The following POTEJ variants were observed in gnomAD, a reference collection of about 807,000 sequenced individuals.
POTEJ encodes POTE ankyrin domain family member J, also known as POTE ankyrin domain family, member J.
A neutral mutation model predicts 69.0 loss-of-function variants in POTEJ; 11 were observed. That is an observed-to-expected ratio of 0.16 (90% CI 0.10 to 0.26). The LOEUF is 0.26. Ranked by LOEUF, POTEJ falls within the 10% of genes least tolerant of loss-of-function variation. The pLI is 1.00. For missense variants in POTEJ, 327 were observed against 1,045.5 expected (o/e 0.31, Z 9.48); for synonymous variants, 117 against 381.1 (o/e 0.31, Z 8.07).
intron 9 of POTEJ, among the ~76,000 whole-genome samples, chr2:130,638,265 G>C (rs1183477509): frequency 2.6e-5 from 4 of 151,540 alleles, no homozygotes; most frequent in Non-Finnish European, 5.9e-5. Context: ...TCCTCACTTT[G>C]TAGAAGAAGA....
chr2:130,639,219 G>T (rs1394549476), intron 10 of POTEJ, among the ~76,000 whole-genome samples: 1 of 152,308 alleles, frequency 6.6e-6, no homozygotes, highest in Non-Finnish European at 1.5e-5. Context: ...ACTGGTACCA[G>T]TCTGTGGCCT....
rs1229224448 is a variant in POTEJ, at chr2:130,613,257, C to CATATATACATATATATACATATGT, written c.410+1380_410+1403dup. Among the ~76,000 whole-genome samples, 795 of 99,080 alleles carry CATATATACATATATATACATATGT rather than the reference C, an allele frequency of 8.0e-3. 19 individuals carry two copies. The highest frequency in any genetic ancestry group is 0.012 in the Non-Finnish European group (604 of 51,622). The allele number at this position is 99,080 out of a possible 152,430, so 65.0% of individuals were successfully genotyped here. On this transcript the variant is annotated intron_variant, in intron 1 of 14. Coordinates refer to ENST00000409602, the MANE Select transcript of POTEJ (RefSeq NM_001277083.2). ...ATACATATATATACATATATATACACATATATACATATATATACATATGTA... is the reference window on the plus strand; with the variant it reads ...ATACATATATATACATATATATACACATATATACATATATATACATATGTATATATACATATATATACATATGTA...
intron 6 of POTEJ, among the ~76,000 whole-genome samples, chr2:130,629,587 A>C (rs1279415516): frequency 6.6e-6 from 1 of 150,564 alleles, no homozygotes; most frequent in African/African-American, 2.5e-5. Flanking sequence ...AGCTAAGTGC[A>C]GGAAAACTTG....
At position 130,656,918 on chromosome 2, in the gene POTEJ, G is replaced by T; in HGVS notation, c.2158G>T (p.Glu720Ter). 2 of 1,604,574 alleles carry T rather than the reference G, an allele frequency of 1.2e-6. 1 individual carries two copies. The highest frequency in any genetic ancestry group is 2.8e-5 in the African/African-American group (2 of 70,606). Residue 720 changes from glutamate (E) to a stop codon, truncating the protein, a stop_gained, in exon 15 of 15, where the codon GAG becomes TAG. Coordinates refer to ENST00000409602, the MANE Select transcript of POTEJ (RefSeq NM_001277083.2). LOFTEE classifies it high-confidence loss of function. The stretch of plus-strand genomic sequence containing the variant: ...TCAGAAAGAGTCCTATGTGGGCAAG[G>T]AGGCCCAGAGCAAGAGAGGCATCCT... ...MHQKESYVGK[E>*]AQSKRGILTL...
chr2:130,615,651 G>C (rs71422876), intron 1 of POTEJ, among the ~76,000 whole-genome samples: 1 of 111,340 alleles, frequency 9.0e-6, no homozygotes, highest in East Asian at 2.3e-4. Context: ...TAGAACGAAC[G>C]GGTACTGGGC....
At chr2:130,638,092 C>G (rs1260286371) in intron 9 of POTEJ, among the ~76,000 whole-genome samples, 16 of 149,206 alleles carry the variant, frequency 1.1e-4, no homozygotes, top group Non-Finnish European at 7.5e-5. Context: ...ATATTAGAAC[C>G]TATGAACAAA....
At chr2:130,631,796 A>G (rs972645627) in intron 8 of POTEJ, among the ~76,000 whole-genome samples, 1 of 142,612 alleles carries the variant, frequency 7.0e-6, no homozygotes, top group African/African-American at 2.8e-5. Flanking sequence ...TATTCTGTGT[A>G]TCTTCCAGCT....
At chr2:130,631,084 A>G (rs1250032600) in intron 7 of POTEJ, among the ~76,000 whole-genome samples, 1 of 143,596 alleles carries the variant, frequency 7.0e-6, no homozygotes, top group East Asian at 1.9e-4. Flanking sequence ...GATTTAACAC[A>G]TAACAAGTTT....
At chr2:130,637,879 T>C (rs1266907600) in intron 9 of POTEJ, among the ~76,000 whole-genome samples, 1 of 147,890 alleles carries the variant, frequency 6.8e-6, no homozygotes, top group African/African-American at 2.6e-5. Context: ...TTAACATCCA[T>C]TGGTTTTTCT....
At position 130,657,703 on chromosome 2, in the gene POTEJ, T is replaced by C. The variant is rs1574003533; in HGVS notation, c.2943T>C (p.Ala981=). 1 of 1,426,148 alleles carries C rather than the reference T, an allele frequency of 7.0e-7. No individual in the cohort carries two copies. Among genetic ancestry groups the C allele is most frequent in the East Asian group, 2.3e-5 (1 of 43,516 alleles). 88.3% of individuals were successfully genotyped at this position (1,426,148 alleles called of 1,614,324 possible). A position where few individuals can be genotyped will look rare whatever the true frequency, so the allele number is the denominator to read the frequency against. Residue 981 remains alanine (A), a synonymous_variant, in exon 15 of 15, where the codon GCT becomes GCC. Transcript: ENST00000409602. ...CCCACAGAATGCAGAAGGAGATCGC[T>C]GCCCTGGCGCCTAGCATGATGAAGA... is the stretch of plus-strand genomic sequence containing the variant. ...GMAHRMQKEI[A]ALAPSMMKIR...
At position 130,611,712 on chromosome 2, in the gene POTEJ, G is replaced by C; in HGVS notation, c.180G>C (p.Lys60Asn). 1 of 1,560,884 alleles carries C rather than the reference G, an allele frequency of 6.4e-7. No homozygotes were observed. The highest frequency in any genetic ancestry group is 8.7e-7 in the Non-Finnish European group (1 of 1,147,616). Reference protein sequence around the residue: ...DDSTMKTLRSKMGKWCCHCFP... With the variant: ...DDSTMKTLRSNMGKWCCHCFP... ...CCACTATGAAGACACTCAGGAGCAA[G>C]ATGGGCAAGTGGTGCTGCCACTGCT... Residue 60 changes from lysine to asparagine, a missense_variant, in exon 1 of 15, where the codon AAG becomes AAC. Transcript: ENST00000409602.
intron 10 of POTEJ, among the ~76,000 whole-genome samples, chr2:130,641,802 T>C (rs572898961): frequency 4.7e-4 from 71 of 152,304 alleles, no homozygotes; most frequent in African/African-American, 1.6e-3. Context: ...TCCTACTAGT[T>C]TGACTCTCAG....
chr2:130,626,942 T>C (rs539107862), intron 6 of POTEJ, among the ~76,000 whole-genome samples: 411 of 152,100 alleles, frequency 2.7e-3, no homozygotes, highest in Non-Finnish European at 4.6e-3. Flanking sequence ...TTGTAAATGT[T>C]TGTGTTCCCA....
chr2:130,613,008 A>C (rs1282655514), intron 1 of POTEJ, among the ~76,000 whole-genome samples: 12 of 136,158 alleles, frequency 8.8e-5, no homozygotes. Context: ...ATAGAACAGA[A>C]TAGGAAATTT....
At chr2:130,642,884 C>A (rs1201679094) in intron 10 of POTEJ, among the ~76,000 whole-genome samples, 4 of 150,758 alleles carry the variant, frequency 2.7e-5, no homozygotes, top group Non-Finnish European at 4.4e-5. Context: ...CCCTTTTAAT[C>A]TGGCTAGTCT....
At chr2:130,639,218 A>G (rs1686238259) in intron 10 of POTEJ, among the ~76,000 whole-genome samples, 1 of 152,306 alleles carries the variant, frequency 6.6e-6, no homozygotes, top group South Asian at 2.1e-4. Context: ...GACTGGTACC[A>G]GTCTGTGGCC....
chr2:130,649,121 T>C (rs1334100236), intron 13 of POTEJ, among the ~76,000 whole-genome samples: 11 of 147,456 alleles, frequency 7.5e-5, no homozygotes, highest in Admixed American at 6.7e-4. Flanking sequence ...GTGTATATGC[T>C]AGTGATTTCC....
intron 13 of POTEJ, among the ~76,000 whole-genome samples, chr2:130,649,321 C>G (rs1686714125): frequency 6.6e-6 from 1 of 152,208 alleles, no homozygotes; most frequent in Non-Finnish European, 1.5e-5. Context: ...AGCAACTCTT[C>G]CAGTTGCTCT....
At chr2:130,650,065 C>A (rs1396800328) in intron 13 of POTEJ, among the ~76,000 whole-genome samples, 1 of 152,224 alleles carries the variant, frequency 6.6e-6, no homozygotes, top group Admixed American at 6.5e-5. Flanking sequence ...ATCATCAGGA[C>A]ACGTCAGGCT....
Sources: gnomAD v4.1 joint callset for allele counts (sites outside exome capture counted in the v4.1 genomes callset) on GRCh38, gnomAD v4.1.1 for gene constraint, MANE v1.5 for transcripts, NCBI Gene and HGNC (gene_info 2026-07-23, HGNC 2026-07-21) for gene names.